Variants in LAMA2 observed in about 807,000 individuals in gnomAD.
LAMA2 encodes laminin subunit alpha 2, also known as laminin subunit alpha-2.
In LAMA2, 269 loss-of-function variants were observed where a neutral mutation model predicts 364.8. That is an observed-to-expected ratio of 0.74 (90% CI 0.67 to 0.82). LAMA2 has a LOEUF of 0.82. LAMA2 is among the 40% of genes least tolerant of loss of function. The pLI is 0.00. For missense variants in LAMA2, 3,807 were observed against 3,873.2 expected (o/e 0.98, Z 0.45); for synonymous variants, 1,379 against 1,370.6 (o/e 1.01, Z -0.14).
At chr6:129,419,462 C>G (rs1461431792) in intron 40 of LAMA2, among the ~76,000 whole-genome samples, 2 of 152,086 alleles carry the variant, frequency 1.3e-5, no homozygotes, top group Non-Finnish European at 2.9e-5. Flanking sequence ...AACTAAGACT[C>G]TTTGTGGTAT....
chr6:129,309,564 A>ATACCCGATT (rs1287392930), intron 22 of LAMA2, among the ~76,000 whole-genome samples: 21 of 152,236 alleles, frequency 1.4e-4, no homozygotes, highest in African/African-American at 4.6e-4. Context: ...TTTTCTATTA[A>ATACCCGATT]TACCCGATTA....
At chr6:129,478,376 A>AACTT (rs939604239) in intron 53 of LAMA2, among the ~76,000 whole-genome samples, 2 of 152,172 alleles carry the variant, frequency 1.3e-5, no homozygotes, top group Non-Finnish European at 2.9e-5. Context: ...AAAAAAATAA[A>AACTT]ACTTATTTCA....
rs367665929 is a variant in LAMA2 at position 129,059,526 on chromosome 6, T to C, written c.284-258T>C. Among the ~76,000 whole-genome samples, 402 of 152,320 alleles carry C rather than the reference T, an allele frequency of 2.6e-3. 3 individuals carry two copies. The highest frequency in any genetic ancestry group is 9.2e-3 in the African/African-American group (383 of 41,574). On this transcript the variant is annotated intron_variant, in intron 2 of 64. Coordinates refer to ENST00000421865, the MANE Select transcript of LAMA2 (RefSeq NM_000426.4). ...CTTTAAAATTGCCCATTTTGGTTAA[T>C]GGCCAGAGTGCTGACCAGCTCATTC...
At chr6:129,196,766 T>G (rs1350096988) in intron 12 of LAMA2, among the ~76,000 whole-genome samples, 2 of 152,196 alleles carry the variant, frequency 1.3e-5, no homozygotes, top group Non-Finnish European at 2.9e-5. Flanking sequence ...CTGTGGTTGA[T>G]TTTTTATTCC....
intron 34 of LAMA2, among the ~76,000 whole-genome samples, chr6:129,379,373 C>A (rs1778552696): frequency 6.6e-6 from 1 of 151,384 alleles, no homozygotes. Context: ...GCACATGTAT[C>A]CCTGAACTTA....
chr6:129,367,508 G>A (rs1230085455), intron 33 of LAMA2, among the ~76,000 whole-genome samples: 2 of 152,206 alleles, frequency 1.3e-5, no homozygotes, highest in Non-Finnish European at 2.9e-5. Context: ...ACCAGAGAAT[G>A]TACCATTACT....
chr6:129,085,296 A>C (rs552647167), intron 3 of LAMA2, among the ~76,000 whole-genome samples: 1 of 152,334 alleles, frequency 6.6e-6, no homozygotes, highest in South Asian at 2.1e-4. Flanking sequence ...TTAAGGGATG[A>C]TTGAATGCTC....
rs113724445 is a variant in LAMA2, at chr6:129,485,610, A to G, written c.7750-864A>G. Among the ~76,000 whole-genome samples the G allele has an allele frequency of 8.4e-3, 1,273 of 152,352 alleles. 12 individuals are homozygous for G. Among genetic ancestry groups the G allele is most frequent in the Non-Finnish European group, 0.014 (945 of 68,036 alleles). On this transcript the variant is annotated intron_variant, in intron 55 of 64. Transcript: ENST00000421865. The stretch of plus-strand genomic sequence containing the variant: ...CTAAATGGGTTTGATATGGCAAACC[A>G]TCCATGAGCTAAGGAATTTTTAATT...
intron 53 of LAMA2, among the ~76,000 whole-genome samples, chr6:129,476,675 A>AGTC (rs1784080933): frequency 6.6e-6 from 1 of 152,224 alleles, no homozygotes; most frequent in African/African-American, 2.4e-5. Context: ...GTGATAAGTC[A>AGTC]GTCTTTCCAT....
intron 4 of LAMA2, among the ~76,000 whole-genome samples, chr6:129,121,825 C>T (rs920293979): frequency 3.3e-5 from 5 of 152,044 alleles, no homozygotes; most frequent in African/African-American, 1.2e-4. Context: ...TTAAAATTAA[C>T]GAGTCAATTT....
chr6:129,478,888 G>A (rs1784217486), intron 54 of LAMA2, 75 bp downstream of exon 54: 5 of 1,302,956 alleles, frequency 3.8e-6, no homozygotes, highest in Non-Finnish European at 5.6e-6. Flanking sequence ...GCTCCTACAA[G>A]GATCAGTCTT....
At chr6:128,959,564 G>T (rs1200708628) in intron 1 of LAMA2, among the ~76,000 whole-genome samples, 1 of 152,044 alleles carries the variant, frequency 6.6e-6, no homozygotes, top group Non-Finnish European at 1.5e-5. Flanking sequence ...CTTTGCACTG[G>T]CTGGTCTTCT....
At chr6:129,342,213 G>T in intron 29 of LAMA2, 130 bp from the exon 30 acceptor site, 1 of 732,536 alleles carries the variant, frequency 1.4e-6, no homozygotes, top group Non-Finnish European at 2.4e-6. Context: ...TAAAGTGTGT[G>T]TGTGAGTGTG....
Position 129,080,080 on chromosome 6 carries a change from G to A in LAMA2, c.397-18093G>A, listed in dbSNP as rs148761515. ...ATAGACACATTTTTATCTCCAGAGA[G>A]TTACTACTGGCACTTTTTGAAATCC... is the stretch of plus-strand genomic sequence containing the variant. On this transcript the variant is annotated intron_variant, in intron 3 of 64. Transcript: ENST00000421865. Among the ~76,000 whole-genome samples, 142 of 152,216 alleles carry A rather than the reference G, an allele frequency of 9.3e-4. 2 individuals are homozygous for A. In the East Asian group the frequency reaches 0.025, roughly 27 times the overall value.
At chr6:129,356,511 G>A (rs1777161372) in intron 32 of LAMA2, among the ~76,000 whole-genome samples, 1 of 152,132 alleles carries the variant, frequency 6.6e-6, no homozygotes, top group Non-Finnish European at 1.5e-5. Context: ...TGTGTGATAA[G>A]AGAACTGAAT....
At chr6:129,207,354 T>TA (rs1782745395) in intron 12 of LAMA2, among the ~76,000 whole-genome samples, 1 of 152,260 alleles carries the variant, frequency 6.6e-6, no homozygotes, top group South Asian at 2.1e-4. Context: ...TTCTTGTGAG[T>TA]AATAACTCAA....
At chr6:129,364,771 G>A (rs1777663044) in intron 32 of LAMA2, among the ~76,000 whole-genome samples, 1 of 152,120 alleles carries the variant, frequency 6.6e-6, no homozygotes, top group Admixed American at 6.5e-5. Flanking sequence ...ATAAAGAAAT[G>A]CCTGAAGCTC....
intron 3 of LAMA2, among the ~76,000 whole-genome samples, chr6:129,072,266 T>C (rs1773368463): frequency 6.6e-6 from 1 of 152,164 alleles, no homozygotes; most frequent in South Asian, 2.1e-4. Flanking sequence ...GACATACAAA[T>C]TTAGGATTAT....
At chr6:129,503,004 A>T in intron 59 of LAMA2, 87 bp from the exon 60 acceptor site, 1 of 1,293,204 alleles carries the variant, frequency 7.7e-7, no homozygotes, top group East Asian at 2.3e-5. Flanking sequence ...TCCTTTATGA[A>T]AATGCAGCCA....
Sources: gnomAD v4.1 joint callset for allele counts (sites outside exome capture counted in the v4.1 genomes callset) on GRCh38, gnomAD v4.1.1 for gene constraint, MANE v1.5 for transcripts, NCBI Gene and HGNC (gene_info 2026-07-23, HGNC 2026-07-21) for gene names.